CPNE4: variants seen among roughly 807,000 people sequenced by gnomAD.
CPNE4 encodes copine 4.
In CPNE4, 25 loss-of-function variants were observed where a neutral mutation model predicts 67.9. The ratio of observed to expected loss-of-function variants is 0.37; its 90% CI spans 0.27 to 0.51. The LOEUF (loss-of-function observed/expected upper bound fraction) is 0.51, where lower values mean the gene tolerates loss of function less well. Ranked by LOEUF, CPNE4 falls within the 20% of genes least tolerant of loss-of-function variation. The probability of loss-of-function intolerance (pLI) is 0.93; values close to 1 mark genes in which losing one functional copy is unlikely to be tolerated. For synonymous variants in CPNE4, 242 were observed against 244.9 expected (o/e 0.99, Z 0.11); for missense variants, 464 against 690.8 (o/e 0.67, Z 3.68).
intron 6 of CPNE4, among the ~76,000 whole-genome samples, chr3:131,674,777 A>AT (rs908286418): frequency 6.6e-6 from 1 of 151,338 alleles, no homozygotes; most frequent in Admixed American, 6.6e-5. Flanking sequence ...TGTTTTATTG[A>AT]TTTTTTTATT....
intron 1 of CPNE4, among the ~76,000 whole-genome samples, chr3:132,020,807 C>T (rs561278338): frequency 2.6e-5 from 4 of 152,264 alleles, no homozygotes; most frequent in Admixed American, 1.3e-4. Flanking sequence ...TAACCCTAGC[C>T]CCGCACAGCT....
chr3:131,689,404 T>C lies in CPNE4; in HGVS notation c.508-3446A>G, dbSNP rs117876770. On this transcript the variant is annotated intron_variant, in intron 5 of 15. Coordinates refer to ENST00000429747, the MANE Select transcript of CPNE4 (RefSeq NM_130808.3). ...TAATCTATTACAATCAAGTACACTT[T>C]ATTCCTGGGAAGCAAGGTTGGTTCA... Among the ~76,000 whole-genome samples, 354 of 152,252 alleles carry C rather than the reference T, an allele frequency of 2.3e-3. 5 individuals carry two copies. In the East Asian group the frequency reaches 0.049, roughly 21 times the overall value.
intron 7 of CPNE4, among the ~76,000 whole-genome samples, chr3:131,634,177 G>T (rs1444813088): frequency 6.6e-6 from 1 of 152,088 alleles, no homozygotes; most frequent in Non-Finnish European, 1.5e-5. Flanking sequence ...TACTGTTTGT[G>T]TGATATAAAA....
chr3:131,816,214 A>C lies in CPNE4; in HGVS notation c.180+89050T>G, dbSNP rs142211052. On this transcript the variant is annotated intron_variant, in intron 2 of 15. Coordinates refer to ENST00000429747, the MANE Select transcript of CPNE4 (RefSeq NM_130808.3). ...TTAAAGACTTTTCCAAGTTTAGGAC[A>C]ATAGGTTTTAATATGTCCAGGGCTA... Among the ~76,000 whole-genome samples, 446 of 152,314 alleles carry C rather than the reference A, an allele frequency of 2.9e-3. 3 individuals are homozygous for C. The highest frequency in any genetic ancestry group is 0.01 in the African/African-American group (436 of 41,568).
At chr3:131,611,014 C>T (rs573773404) in intron 7 of CPNE4, among the ~76,000 whole-genome samples, 1 of 152,266 alleles carries the variant, frequency 6.6e-6, no homozygotes. Flanking sequence ...GGTGAGCTCA[C>T]ATTTTCTTTA....
At chr3:131,789,035 C>CAGAGAGAG (rs71136414) in intron 2 of CPNE4, among the ~76,000 whole-genome samples, 4 of 137,304 alleles carry the variant, frequency 2.9e-5, no homozygotes, top group African/African-American at 1.1e-4. Flanking sequence ...CACACACACA[C>CAGAGAGAG]AGAGAGAGAG....
At chr3:131,888,776 T>G (rs752579853) in intron 2 of CPNE4, among the ~76,000 whole-genome samples, 5 of 152,126 alleles carry the variant, frequency 3.3e-5, no homozygotes, top group Middle Eastern at 6.8e-3. Flanking sequence ...GTGGAGGGGA[T>G]AAGGAGACTT....
intron 7 of CPNE4, among the ~76,000 whole-genome samples, chr3:131,598,363 T>A (rs771776258): frequency 9.9e-5 from 15 of 152,268 alleles, no homozygotes; most frequent in Non-Finnish European, 1.6e-4. Context: ...TTTCAATCTT[T>A]GTTCCAAAGC....
intron 7 of CPNE4, among the ~76,000 whole-genome samples, chr3:131,640,663 C>T (rs1388993329): frequency 1.3e-5 from 2 of 151,948 alleles, no homozygotes; most frequent in East Asian, 3.9e-4. Flanking sequence ...CTAGAAAAAA[C>T]AATCCTAAAA....
At chr3:131,653,369 C>T (rs548347273) in intron 7 of CPNE4, among the ~76,000 whole-genome samples, 7 of 151,878 alleles carry the variant, frequency 4.6e-5, no homozygotes, top group Non-Finnish European at 1.0e-4. Flanking sequence ...AGGATGGTCT[C>T]GATCTGCTGA....
At chr3:131,839,039 G>A (rs918764427) in intron 2 of CPNE4, among the ~76,000 whole-genome samples, 2 of 151,748 alleles carry the variant, frequency 1.3e-5, no homozygotes, top group African/African-American at 4.8e-5. Flanking sequence ...GTACAGATTG[G>A]TGTAAGCTTT....
At chr3:131,783,398 G>A (rs1349494780) in intron 2 of CPNE4, among the ~76,000 whole-genome samples, 2 of 152,188 alleles carry the variant, frequency 1.3e-5, no homozygotes, top group East Asian at 3.9e-4. Context: ...CTCTATTGAA[G>A]GTTAAAGCAG....
intron 1 of CPNE4, among the ~76,000 whole-genome samples, chr3:131,978,728 G>C (rs1381124765): frequency 2.0e-5 from 3 of 148,634 alleles, no homozygotes; most frequent in African/African-American, 5.0e-5. Flanking sequence ...TCTTTCTTCT[G>C]CTGGGTTTGG....
At chr3:131,926,433 T>C (rs1186830258) in intron 1 of CPNE4, among the ~76,000 whole-genome samples, 1 of 152,026 alleles carries the variant, frequency 6.6e-6, no homozygotes, top group Non-Finnish European at 1.5e-5. Flanking sequence ...AAAATAAAGA[T>C]ATGAACAACA....
At chr3:131,978,790 C>A (rs1471220049) in intron 1 of CPNE4, among the ~76,000 whole-genome samples, 1 of 150,740 alleles carries the variant, frequency 6.6e-6, no homozygotes, top group African/African-American at 2.4e-5. Context: ...CTTACAGTGT[C>A]GGTCTGTGCT....
intron 10 of CPNE4, among the ~76,000 whole-genome samples, chr3:131,566,921 G>A (rs1018360109): frequency 2.6e-5 from 4 of 151,922 alleles, no homozygotes; most frequent in African/African-American, 4.8e-5. Flanking sequence ...CCTTGATTCT[G>A]CTTTAATTTA....
intron 2 of CPNE4, among the ~76,000 whole-genome samples, chr3:131,736,255 G>T (rs772612566): frequency 6.6e-6 from 1 of 152,012 alleles, no homozygotes; most frequent in African/African-American, 2.4e-5. Flanking sequence ...ATCACTTTTT[G>T]TTTTACTAGT....
At chr3:131,862,710 TA>T (rs537651441) in intron 2 of CPNE4, among the ~76,000 whole-genome samples, 1,561 of 150,642 alleles carry the variant, frequency 0.01, 14 homozygotes, top group Non-Finnish European at 0.016. Context: ...TATATATATA[TA>T]TATATTTTTA....
chr3:131,600,683 G>T (rs537220162), intron 7 of CPNE4, among the ~76,000 whole-genome samples: 2 of 152,252 alleles, frequency 1.3e-5, no homozygotes, highest in East Asian at 1.9e-4. Context: ...TGTGTGGAGT[G>T]CTCTGTGCTG....
Sources: allele counts gnomAD v4.1 joint callset (sites outside exome capture counted in the v4.1 genomes callset), GRCh38; gene constraint gnomAD v4.1.1; transcripts MANE v1.5; gene names NCBI Gene and HGNC (gene_info 2026-07-23, HGNC 2026-07-21).